SLIT2: variants seen among roughly 807,000 people sequenced by gnomAD.
SLIT2 encodes slit guidance ligand 2.
Under a neutral mutation model 185.7 loss-of-function variants are expected in SLIT2, and 41 were observed. That is an observed-to-expected ratio of 0.22 (90% confidence interval 0.17 to 0.29). The LOEUF is 0.29. Among genes scored for constraint, SLIT2 ranks in the 10% least tolerant of loss-of-function variants. The probability of loss-of-function intolerance (pLI) is 1.00; values close to 1 mark genes in which losing one functional copy is unlikely to be tolerated. For missense variants in SLIT2, 1,571 were observed against 1,909.0 expected, an observed-to-expected ratio of 0.82 and a Z score of 3.30; for synonymous variants, 693 against 680.2, an observed-to-expected ratio of 1.02 and a Z score of -0.29.
chr4:20,434,277 C>G (rs766258274), intron 4 of SLIT2, among the ~76,000 whole-genome samples: 33 of 151,142 alleles, frequency 2.2e-4, no homozygotes, highest in South Asian at 1.5e-3. Flanking sequence ...CACGTGAGGT[C>G]GGGAGTTTGA....
intron 14 of SLIT2, 145 bp from the exon 15 acceptor site, chr4:20,525,004 A>G: frequency 3.1e-6 from 2 of 650,766 alleles, no homozygotes; most frequent in East Asian, 2.7e-5. Context: ...CTCACTGTAC[A>G]TTATTGTACT....
At chr4:20,590,819 G>A (rs552859321) in intron 30 of SLIT2, among the ~76,000 whole-genome samples, 17 of 152,300 alleles carry the variant, frequency 1.1e-4, no homozygotes, top group South Asian at 8.3e-4. Context: ...GGAAACCATG[G>A]CCCGGAGAGG....
chr4:20,559,182 T>C (rs1724497504), intron 26 of SLIT2, among the ~76,000 whole-genome samples: 1 of 152,058 alleles, frequency 6.6e-6, no homozygotes, highest in African/African-American at 2.4e-5. Context: ...TGTCAGATGA[T>C]GTAAAGCCTA....
Position 20,491,748 on chromosome 4 carries a change from A to G in SLIT2, c.776-13A>G. The stretch of plus-strand genomic sequence containing the variant: ...AGGAGGAAAAATATAATTCCTGTTT[A>G]TTTCTTTTTTAGGTCACCAGTCATT... On this transcript the variant is annotated splice_polypyrimidine_tract_variant and intron_variant, in intron 8 of 36. Transcript: ENST00000504154. 6.2e-7 allele frequency: 1 copy of G among 1,604,482 alleles called. No homozygotes were observed. The highest frequency in any genetic ancestry group is 8.5e-7 in the Non-Finnish European group (1 of 1,176,174).
At chr4:20,277,895 T>C (rs1173464597) in intron 4 of SLIT2, among the ~76,000 whole-genome samples, 1 of 151,792 alleles carries the variant, frequency 6.6e-6, no homozygotes, top group Admixed American at 6.6e-5. Flanking sequence ...CTTGCTCTTT[T>C]ATGAGACAGT....
intron 5 of SLIT2, among the ~76,000 whole-genome samples, chr4:20,473,867 T>C (rs1715826704): frequency 6.6e-6 from 1 of 151,884 alleles, no homozygotes; most frequent in Non-Finnish European, 1.5e-5. Flanking sequence ...CCTCATTAGG[T>C]TTGTCATATA....
intron 30 of SLIT2, among the ~76,000 whole-genome samples, chr4:20,591,333 AGT>A (rs1215180010): frequency 2.6e-5 from 4 of 152,158 alleles, no homozygotes; most frequent in African/African-American, 9.7e-5. Flanking sequence ...CGGGTGGGAG[AGT>A]GGGGTCAGAA....
Position 20,438,117 on chromosome 4 carries a change from C to T in SLIT2, c.396-29635C>T, listed in dbSNP as rs1383315577. ...TTTCTGGAATACTCTCTTTTCTGGT[C>T]TTTCTACTTCCAATTTACCTCCCTT... On this transcript the variant is annotated intron_variant, in intron 4 of 36. Transcript: ENST00000504154. Among the ~76,000 whole-genome samples the T allele has an allele frequency of 2.0e-5, 3 of 152,050 alleles. No individual in the cohort carries two copies. In the East Asian group the frequency reaches 5.8e-4, roughly 29 times the overall value.
chr4:20,325,324 A>G (rs1467451775), intron 4 of SLIT2, among the ~76,000 whole-genome samples: 1 of 144,622 alleles, frequency 6.9e-6, no homozygotes, highest in East Asian at 2.2e-4. Flanking sequence ...TAGTTTGGTG[A>G]CCAACTCTGA....
At chr4:20,585,709 T>A (rs1727000668) in intron 29 of SLIT2, among the ~76,000 whole-genome samples, 1 of 152,214 alleles carries the variant, frequency 6.6e-6, no homozygotes, top group African/African-American at 2.4e-5. Flanking sequence ...AAAGAATATT[T>A]CCAGTTTTCC....
chr4:20,545,210 A>G (rs1274901263), intron 21 of SLIT2, among the ~76,000 whole-genome samples: 1 of 152,076 alleles, frequency 6.6e-6, no homozygotes, highest in African/African-American at 2.4e-5. Context: ...GTCTGTGGGC[A>G]CATGTATAGC....
At chr4:20,310,562 G>A (rs752409310) in intron 4 of SLIT2, among the ~76,000 whole-genome samples, 19 of 151,986 alleles carry the variant, frequency 1.3e-4, no homozygotes, top group African/African-American at 3.4e-4. Flanking sequence ...GTTCAGCATC[G>A]TCCCAGATTT....
chr4:20,387,267 T>C (rs1372828990), intron 4 of SLIT2, among the ~76,000 whole-genome samples: 1 of 152,182 alleles, frequency 6.6e-6, no homozygotes, highest in Admixed American at 6.6e-5. Flanking sequence ...TTACGTTAGT[T>C]ATATCTATTG....
intron 18 of SLIT2, among the ~76,000 whole-genome samples, chr4:20,534,133 T>C (rs594993): frequency 0.34 from 51,105 of 152,036 alleles, 8,809 homozygotes; most frequent in Middle Eastern, 0.44. Flanking sequence ...ATTTTATTTC[T>C]TTGTCTTCAA....
intron 4 of SLIT2, among the ~76,000 whole-genome samples, chr4:20,297,064 C>A (rs1716554502): frequency 6.6e-6 from 1 of 152,142 alleles, no homozygotes; most frequent in South Asian, 2.1e-4. Context: ...CGTTTTGAAC[C>A]CAGACTTTCT....
chr4:20,392,962 A>G (rs1371564447), intron 4 of SLIT2, among the ~76,000 whole-genome samples: 6 of 152,052 alleles, frequency 3.9e-5, no homozygotes, highest in African/African-American at 1.4e-4. Flanking sequence ...ATAGTATAGT[A>G]TAGTAAATAC....
intron 29 of SLIT2, among the ~76,000 whole-genome samples, chr4:20,586,114 T>G (rs971103226): frequency 6.6e-6 from 1 of 152,186 alleles, no homozygotes; most frequent in African/African-American, 2.4e-5. Flanking sequence ...AGCTCCTGAA[T>G]CTCGCCACTG....
intron 29 of SLIT2, among the ~76,000 whole-genome samples, chr4:20,579,350 C>CTA (rs891662714): frequency 4.0e-5 from 6 of 151,102 alleles, no homozygotes; most frequent in Non-Finnish European, 8.8e-5. Context: ...ACTTTCCTGT[C>CTA]TGTAATTAAC....
intron 4 of SLIT2, among the ~76,000 whole-genome samples, chr4:20,457,234 C>G (rs914648175): frequency 6.6e-6 from 1 of 151,896 alleles, no homozygotes; most frequent in African/African-American, 2.4e-5. Flanking sequence ...GAAATTTCAG[C>G]TCTTATGGGA....
Sources: allele counts gnomAD v4.1 joint callset (sites outside exome capture counted in the v4.1 genomes callset), GRCh38; gene constraint gnomAD v4.1.1; transcripts MANE v1.5; gene names NCBI Gene and HGNC (gene_info 2026-07-23, HGNC 2026-07-21).